TTC21A: variants seen among roughly 807,000 people sequenced by gnomAD.
TTC21A encodes tetratricopeptide repeat domain 21A.
In TTC21A, 128 loss-of-function variants were observed where a neutral mutation model predicts 156.4. That is an observed-to-expected ratio of 0.82 (90% CI 0.71 to 0.95). TTC21A has a LOEUF of 0.95. TTC21A is among the 40% of genes least tolerant of loss of function. TTC21A has a pLI of 0.00. For missense variants in TTC21A, 1,435 were observed against 1,602.3 expected (o/e 0.90, Z 1.78); for synonymous variants, 587 against 617.1 (o/e 0.95, Z 0.72).
chr3:39,135,017 A>G, intron 21 of TTC21A, 76 bp from the exon 22 acceptor site: 1 of 1,083,062 alleles, frequency 9.2e-7, no homozygotes, highest in Non-Finnish European at 1.4e-6. Context: ...CATCACCCCC[A>G]TACCCCCCGC....
intron 9 of TTC21A, 86 bp downstream of exon 9, chr3:39,121,275 A>T: frequency 8.2e-7 from 1 of 1,226,574 alleles, no homozygotes; most frequent in South Asian, 1.4e-5. Context: ...AGGTGCTGGA[A>T]AGCATTCTCC....
rs1234180723 is a variant in TTC21A at position 39,125,319 on chromosome 3, C to T, written c.1192-13C>T. ...CTGACATTGGCACTGAGACTCGGTCCTCTCTTCCACAGGTGCTAATTTTCC... is the reference window on the plus strand; with the variant it reads ...CTGACATTGGCACTGAGACTCGGTCTTCTCTTCCACAGGTGCTAATTTTCC... On this transcript the variant is annotated splice_polypyrimidine_tract_variant and intron_variant, in intron 10 of 28. Coordinates refer to ENST00000683103, the MANE Select transcript of TTC21A (RefSeq NM_001366900.1). 4 of 1,612,948 alleles carry T rather than the reference C, an allele frequency of 2.5e-6. No individual in the cohort carries two copies. The highest frequency in any genetic ancestry group is 3.4e-6 in the Non-Finnish European group (4 of 1,179,446).
chr3:39,112,667 T>C, intron 5 of TTC21A, 87 bp downstream of exon 5: 1 of 1,548,726 alleles, frequency 6.5e-7, no homozygotes, highest in Non-Finnish European at 8.7e-7. Flanking sequence ...GGCCAAACCC[T>C]CGTAGTCTCC....
intron 20 of TTC21A, 45 bp downstream of exon 20, chr3:39,133,285 CAAT>C: frequency 6.3e-7 from 1 of 1,583,772 alleles, no homozygotes; most frequent in Non-Finnish European, 8.6e-7. Context: ...CCTCAGGGCA[CAAT>C]GACTTGCTGA....
At chr3:39,120,962 T>C in intron 8 of TTC21A, 35 bp from the exon 9 acceptor site, 1 of 1,564,090 alleles carries the variant, frequency 6.4e-7, no homozygotes, top group South Asian at 1.2e-5. Flanking sequence ...CTGGACTGAC[T>C]GGTTTCCCAA....
At position 39,128,490 on chromosome 3, in the gene TTC21A, TG is replaced by T; in HGVS notation, c.1680+5del. On this transcript the variant is annotated splice_donor_region_variant and intron_variant, in intron 13 of 28. Coordinates refer to ENST00000683103, the MANE Select transcript of TTC21A (RefSeq NM_001366900.1). ...CTGGGTGTCAGCCACAACTTCCAGGTGGGTGCCCTCTCATCCTCTCAGCATC... is the reference window on the plus strand; with the variant it reads ...CTGGGTGTCAGCCACAACTTCCAGGTGGTGCCCTCTCATCCTCTCAGCATC... 6.2e-7 allele frequency: 1 copy of T among 1,614,100 alleles called. No homozygotes were observed. The highest frequency in any genetic ancestry group is 8.5e-7 in the Non-Finnish European group (1 of 1,180,014).
chr3:39,121,379 A>C (rs1413812250), intron 9 of TTC21A, among the ~76,000 whole-genome samples, 190 bp downstream of exon 9: 1 of 152,178 alleles, frequency 6.6e-6, no homozygotes, highest in Non-Finnish European at 1.5e-5. Context: ...CAATGCTCAG[A>C]GGTATGATCA....
intron 12 of TTC21A, 85 bp downstream of exon 12, chr3:39,126,475 TACACACACACACACACACACAC>T (rs59925253): frequency 4.8e-5 from 25 of 520,560 alleles, no homozygotes; most frequent in African/African-American, 7.3e-5. Flanking sequence ...CCTAGGATAC[TACACACACACACACACACACAC>T]ACACACACAC....
rs1214389292 is a variant in TTC21A, at chr3:39,125,178, G to A, written c.1191+18G>A. The A allele has an allele frequency of 3.8e-6, 6 of 1,590,498 alleles. No individual in the cohort carries two copies. The East Asian group carries it at 1.1e-4, about 30-fold the overall frequency. On this transcript the variant is annotated intron_variant, in intron 10 of 28. Transcript: ENST00000683103. ...AGTCTGAGGTCAGAGCTCCCTGGGG[G>A]TATGGGTTGCTCCAGGATGATGTCC...
chr3:39,131,532 C>T (rs1243122983), intron 19 of TTC21A: 1 of 157,988 alleles, frequency 6.3e-6, no homozygotes, highest in African/African-American at 2.4e-5. Flanking sequence ...AAGTTGGGTT[C>T]AGTTGTGTTA....
intron 4 of TTC21A, 107 bp from the exon 5 acceptor site, chr3:39,112,350 GC>G: frequency 8.7e-7 from 1 of 1,152,948 alleles, no homozygotes; most frequent in South Asian, 1.4e-5. Flanking sequence ...ACGGGACTGT[GC>G]CTGGCAGGGC....
Position 39,134,470 on chromosome 3 carries a change from C to T in TTC21A, c.2862+142C>T, listed in dbSNP as rs767471642. 2.7e-6 allele frequency: 2 copies of T among 731,212 alleles called. No individual in the cohort carries two copies. The highest frequency in any genetic ancestry group is 5.0e-6 in the Non-Finnish European group (2 of 400,708). The allele number at this position is 731,212 out of a possible 1,614,324, so 45.3% of individuals were successfully genotyped here. On this transcript the variant is annotated intron_variant, in intron 21 of 28. Transcript: ENST00000683103. This position sits in a 1 kb window ranked among gnomAD's most constrained non-coding sequence, Gnocchi z 4.6. ...CTGAGGAGCTGTCGGGCAGAGAGGA[C>T]TCAGTGCTGCACCTACTCTGCCCTT...
Position 39,128,306 on chromosome 3 carries a change from G to T in TTC21A, c.1523-25G>T, listed in dbSNP as rs369535806. 7 of 1,611,924 alleles carry T rather than the reference G, an allele frequency of 4.3e-6. No individual in the cohort carries two copies. The African/African-American group carries it at 6.7e-5, about 15-fold the overall frequency. The stretch of plus-strand genomic sequence containing the variant: ...TTAGGAGCCCTTGGGAACCCTGCAT[G>T]TAGAGGTTTGTGTATTATTTCTAGG... On this transcript the variant is annotated intron_variant, in intron 12 of 28. Transcript: ENST00000683103.
At position 39,133,211 on chromosome 3, in the gene TTC21A, G is replaced by T. The variant is rs540337973; in HGVS notation, c.2722G>T (p.Val908Phe). 6.2e-7 allele frequency: 1 copy of T among 1,613,836 alleles called. No homozygotes were observed. Among genetic ancestry groups the T allele is most frequent in the Non-Finnish European group, 8.5e-7 (1 of 1,179,880 alleles). Reference protein sequence around the residue: ...YDKAVQSYKDVFSYLPTDNKV... With the variant: ...YDKAVQSYKDFFSYLPTDNKV... Reference sequence around the variant, plus strand: ...CAAGGCGGTACAGTCTTATAAGGATGTCTTCTCCTACTTGCCAACTGACAA... The same window carrying T: ...CAAGGCGGTACAGTCTTATAAGGATTTCTTCTCCTACTTGCCAACTGACAA... The change falls in exon 20 of 29, where the codon GTC (valine) becomes TTC (phenylalanine). Residue 908 changes from valine to phenylalanine, a missense_variant. By Grantham distance (50) the Val-to-Phe change is conservative. Coordinates refer to ENST00000683103, the MANE Select transcript of TTC21A (RefSeq NM_001366900.1).
intron 2 of TTC21A, 107 bp from the exon 3 acceptor site, chr3:39,109,922 C>A: frequency 1.3e-6 from 1 of 759,894 alleles, no homozygotes; most frequent in Non-Finnish European, 2.2e-6. Flanking sequence ...ACCTTTCAGA[C>A]CAGTTAGTCC....
intron 5 of TTC21A, 107 bp downstream of exon 5, chr3:39,112,687 A>G: frequency 6.7e-7 from 1 of 1,491,454 alleles, no homozygotes; most frequent in Non-Finnish European, 9.0e-7. Flanking sequence ...CAGATGCCTC[A>G]TCTCGTAGAT....
chr3:39,109,040 C>T, intron 1 of TTC21A, 45 bp from the exon 2 acceptor site: 1 of 1,598,954 alleles, frequency 6.3e-7, no homozygotes, highest in Non-Finnish European at 8.6e-7. Context: ...AGAACAGAGA[C>T]AGAGAAGGGA....
rs755209050 is a variant in TTC21A at position 39,125,172 on chromosome 3, C to T, written c.1191+12C>T. The T allele has an allele frequency of 6.2e-7, 1 of 1,604,014 alleles. No homozygotes were observed. The highest frequency in any genetic ancestry group is 2.2e-5 in the East Asian group (1 of 44,846). Reference sequence around the variant, plus strand: ...TTGGGAAGTCTGAGGTCAGAGCTCCCTGGGGGTATGGGTTGCTCCAGGATG... The same window carrying T: ...TTGGGAAGTCTGAGGTCAGAGCTCCTTGGGGGTATGGGTTGCTCCAGGATG... On this transcript the variant is annotated intron_variant, in intron 10 of 28. Coordinates refer to ENST00000683103, the MANE Select transcript of TTC21A (RefSeq NM_001366900.1).
chr3:39,131,071 A>G lies in TTC21A; in HGVS notation c.2538A>G (p.Glu846=). ...LAKVYKSHKK[E]AVIETLNKAL... is the part of the protein sequence containing the mutation. ...AGGTTTACAAGAGCCATAAAAAAGAAGCTGTGATAGAAACTTTGAACAAGG... is the reference window on the plus strand; with the variant it reads ...AGGTTTACAAGAGCCATAAAAAAGAGGCTGTGATAGAAACTTTGAACAAGG... Residue 846 remains glutamate, a synonymous_variant, in exon 19 of 29, where the codon GAA becomes GAG. Coordinates refer to ENST00000683103, the MANE Select transcript of TTC21A (RefSeq NM_001366900.1). 14 of 1,611,156 alleles carry G rather than the reference A, an allele frequency of 8.7e-6. No homozygotes were observed. The highest frequency in any genetic ancestry group is 1.2e-5 in the Non-Finnish European group (14 of 1,180,016).
Sources: gnomAD v4.1 joint callset for allele counts (sites outside exome capture counted in the v4.1 genomes callset) on GRCh38, gnomAD v4.1.1 for gene constraint, Gnocchi (gnomAD v3.1) non-coding constraint, MANE v1.5 for transcripts, NCBI Gene and HGNC (gene_info 2026-07-23, HGNC 2026-07-21) for gene names.